ZNF283: variants seen among roughly 807,000 people sequenced by gnomAD.
The protein encoded by ZNF283 is zinc finger protein 283.
ZNF283 carries 10 observed loss-of-function variants against 9.2 expected under a neutral mutation model. That is an observed-to-expected ratio of 1.09 (90% CI 0.67 to 1.85). The LOEUF (loss-of-function observed/expected upper bound fraction) is 1.85. Ranked by LOEUF, ZNF283 falls within the 40% of genes most tolerant of loss-of-function variation. The pLI is 0.00. For synonymous variants in ZNF283, 234 were observed against 244.1 expected, an observed-to-expected ratio of 0.96 and a Z score of 0.38; for missense variants, 631 against 760.1, an observed-to-expected ratio of 0.83 and a Z score of 2.00.
chr19:43,831,444 T>C (rs1051102640), intron 3 of ZNF283, 63 bp downstream of exon 3: 41 of 1,325,018 alleles, frequency 3.1e-5, no homozygotes, highest in Non-Finnish European at 4.2e-5. Flanking sequence ...TCAGTTTTCT[T>C]AATGACTGGA....
intron 6 of ZNF283, among the ~76,000 whole-genome samples, chr19:43,845,077 ATCT>A (rs2146576865): frequency 6.6e-6 from 1 of 152,320 alleles, no homozygotes; most frequent in African/African-American, 2.4e-5. Flanking sequence ...ATGAATATAC[ATCT>A]TCTCCAACTT....
chr19:43,847,013 TGGG>T lies in ZNF283; in HGVS notation c.413_415del (p.Trp138_Glu139delinsTer). On this transcript the variant is annotated stop_gained and inframe_deletion, in exon 7 of 7. Coordinates refer to ENST00000618787, the MANE Select transcript of ZNF283 (RefSeq NM_181845.2). LOFTEE classifies it low-confidence loss of function (END_TRUNC). Reference sequence around the variant, plus strand: ...TATTTTTGAAATAAATTTTTCCCAGTGGGAGATGAAGGACAAAAGTAAAACCCT... The same window carrying T: ...TATTTTTGAAATAAATTTTTCCCAGTAGATGAAGGACAAAAGTAAAACCCT... The T allele has an allele frequency of 1.3e-6, 2 of 1,576,456 alleles. No individual in the cohort carries two copies. The highest frequency in any genetic ancestry group is 1.7e-6 in the Non-Finnish European group (2 of 1,164,176).
chr19:43,847,434 T>G lies in ZNF283; in HGVS notation c.833T>G (p.Leu278Arg). Residue 278 changes from leucine (L) to arginine (R), a missense_variant, in exon 7 of 7, where the codon CTT becomes CGT. Around this residue, in one of 3 missense-constraint regions of ZNF283, gnomAD observed 444 missense variants for 522.5 expected, o/e 0.85. Coordinates refer to ENST00000618787, the MANE Select transcript of ZNF283 (RefSeq NM_181845.2). ...AAGACCTTTAGCTGGGGATCAAGCCTTGTTAAACATGAGAGAATTCACACT... is the reference window on the plus strand; with the variant it reads ...AAGACCTTTAGCTGGGGATCAAGCCGTGTTAAACATGAGAGAATTCACACT... ...CGKTFSWGSS[L>R]VKHERIHTGE... is the part of the protein sequence containing the mutation. The G allele has an allele frequency of 6.2e-7, 1 of 1,614,042 alleles. No homozygotes were observed.
At chr19:43,836,041 T>C (rs781387615) in intron 5 of ZNF283, among the ~76,000 whole-genome samples, 4 of 152,196 alleles carry the variant, frequency 2.6e-5, no homozygotes, top group Non-Finnish European at 4.4e-5. Flanking sequence ...GGGTAGTTGA[T>C]AGTAACAGAT....
intron 6 of ZNF283, among the ~76,000 whole-genome samples, chr19:43,838,570 A>G (rs2146555126): frequency 6.6e-6 from 1 of 152,326 alleles, no homozygotes; most frequent in African/African-American, 2.4e-5. Flanking sequence ...TTGAGGCTGC[A>G]GTGAGCTGAG....
At chr19:43,827,786 G>A (rs1649882849) in intron 1 of ZNF283, 1 of 152,174 alleles carries the variant, frequency 6.6e-6, no homozygotes, top group South Asian at 2.1e-4. Context: ...GTTCCCTTTA[G>A]CCTGTCTTCG....
chr19:43,839,718 T>C (rs1419598640), intron 6 of ZNF283, among the ~76,000 whole-genome samples: 4 of 152,188 alleles, frequency 2.6e-5, no homozygotes, highest in East Asian at 3.8e-4. Context: ...GAATCCACTA[T>C]TGAAATTTTC....
chr19:43,836,987 C>A lies in ZNF283; in HGVS notation c.211-66C>A, dbSNP rs1971007804. ...CCTCTTTGTAGTTCATCCTTTGTAC[C>A]CTCTTTTTTCCTCTTGGAAATGTTT... On this transcript the variant is annotated intron_variant, in intron 5 of 6. Transcript: ENST00000618787. 2.6e-6 allele frequency: 4 copies of A among 1,560,674 alleles called. No homozygotes were observed. The South Asian group carries it at 4.5e-5, about 18-fold the overall frequency.
Position 43,831,343 on chromosome 19 carries a change from C to T in ZNF283, c.-39C>T, listed in dbSNP as rs1424918927. The T allele has an allele frequency of 6.9e-6, 11 of 1,595,712 alleles. No homozygotes were observed. Among genetic ancestry groups the T allele is most frequent in the Non-Finnish European group, 9.3e-6 (11 of 1,178,640 alleles). On this transcript the variant is annotated 5_prime_UTR_variant, in exon 3 of 7. Transcript: ENST00000618787. The stretch of plus-strand genomic sequence containing the variant: ...GAGAATCTTGACAGTGAATGTGTCT[C>T]ATTACATTGAATAACAGCTACAGGA...
intron 6 of ZNF283, among the ~76,000 whole-genome samples, chr19:43,839,234 G>GT (rs57375994): frequency 0.34 from 51,124 of 149,950 alleles, 9,329 homozygotes; most frequent in South Asian, 0.55. Flanking sequence ...TTGGTTGACA[G>GT]TTTTTTTTTT....
Position 43,848,121 on chromosome 19 carries a change from T to G in ZNF283, c.1520T>G (p.Val507Gly), listed in dbSNP as rs2146591337. 6.2e-7 allele frequency: 1 copy of G among 1,611,606 alleles called. No individual in the cohort carries two copies. The highest frequency in any genetic ancestry group is 2.2e-5 in the East Asian group (1 of 44,716). The change falls in exon 7 of 7, where the codon GTA becomes GGA. Residue 507 changes from valine to glycine, a missense_variant. Physicochemically the swap from Val to Gly is moderately radical, Grantham distance 109 (BLOSUM62 -3). Around this residue, in one of 3 missense-constraint regions of ZNF283, gnomAD observed 444 missense variants for 522.5 expected, o/e 0.85. Coordinates refer to ENST00000618787, the MANE Select transcript of ZNF283 (RefSeq NM_181845.2). ...CSGYQLTRHQ[V>G]FHTGEKPYEC... is the part of the protein sequence containing the mutation. ...GGGTATCAACTTACTCGACATCAGG[T>G]ATTTCACACTGGTGAGAAACCCTAT...
chr19:43,829,162 GA>G, intron 2 of ZNF283, among the ~76,000 whole-genome samples: 1 of 152,258 alleles, frequency 6.6e-6, no homozygotes. Context: ...GAGGGAGGTG[GA>G]TCATGAAGTC....
chr19:43,848,093 A>G lies in ZNF283; in HGVS notation c.1492A>G (p.Ser498Gly), dbSNP rs769179370. ...ECKECGKTFC[S>G]GYQLTRHQVF... ...TAAAGAATGCGGAAAGACCTTTTGT[A>G]GTGGGTATCAACTTACTCGACATCA... is the stretch of plus-strand genomic sequence containing the variant. Residue 498 changes from serine (S) to glycine (G), a missense_variant, in exon 7 of 7, where the codon AGT (serine) becomes GGT (glycine). Physicochemically the swap from Ser to Gly is moderately conservative, Grantham distance 56. Transcript: ENST00000618787. The G allele has an allele frequency of 1.2e-6, 2 of 1,609,336 alleles. No individual in the cohort carries two copies. Among genetic ancestry groups the G allele is most frequent in the South Asian group, 2.2e-5 (2 of 90,868 alleles).
intron 2 of ZNF283, 44 bp from the exon 3 acceptor site, chr19:43,831,274 C>T: frequency 7.1e-7 from 1 of 1,411,176 alleles, no homozygotes; most frequent in Non-Finnish European, 9.8e-7. Context: ...TATTTTCTTC[C>T]TCAGACTTTG....
Position 43,847,227 on chromosome 19 carries a change from G to A in ZNF283, c.626G>A (p.Cys209Tyr), listed in dbSNP as rs191058351. 11 of 1,613,920 alleles carry A rather than the reference G, an allele frequency of 6.8e-6. No homozygotes were observed. In the African/African-American group the frequency reaches 1.3e-4, roughly 20 times the overall value. Reference sequence around the variant, plus strand: ...CATAATACAGAGAAATCCTATGTTTGTAAGGAATGTGGGAAGGCTTGCAGT... The same window carrying A: ...CATAATACAGAGAAATCCTATGTTTATAAGGAATGTGGGAAGGCTTGCAGT... The part of the protein sequence containing the change: ...RIHNTEKSYV[C>Y]KECGKACSHG... The change falls in exon 7 of 7, where the codon TGT becomes TAT. Residue 209 changes from cysteine to tyrosine, a missense_variant. This residue lies in a region of ZNF283 where 184 missense variants were observed against 220.0 expected (regional missense o/e 0.84). Transcript: ENST00000618787.
chr19:43,831,649 G>A (rs1970713592), intron 3 of ZNF283, among the ~76,000 whole-genome samples: 1 of 151,824 alleles, frequency 6.6e-6, no homozygotes, highest in African/African-American at 2.4e-5. Context: ...TCTTTTTTGA[G>A]ATAGTTTCTC....
chr19:43,844,185 A>C (rs992457273), intron 6 of ZNF283, among the ~76,000 whole-genome samples: 1 of 152,188 alleles, frequency 6.6e-6, no homozygotes, highest in Non-Finnish European at 1.5e-5. Flanking sequence ...AATATCTTAA[A>C]ATTTCTCTGT....
intron 6 of ZNF283, among the ~76,000 whole-genome samples, chr19:43,841,688 C>T (rs955108721): frequency 2.0e-5 from 3 of 152,134 alleles, no homozygotes; most frequent in African/African-American, 7.2e-5. Flanking sequence ...CTGCCTTGGC[C>T]TCCCAAAGTG....
In ZNF283 at chr19:43,848,785, C is replaced by G. The variant is rs963648032; in HGVS notation, c.*144C>G. 3 of 711,378 alleles carry G rather than the reference C, an allele frequency of 4.2e-6. No homozygotes were observed. Among genetic ancestry groups the G allele is most frequent in the Non-Finnish European group, 6.4e-6 (3 of 465,718 alleles). 44.1% of individuals were successfully genotyped at this position (711,378 alleles called of 1,614,324 possible). ...TATGGGCAATTATCTTGCTATCCAG[C>G]AATTCATACTAGTGAGAAATATTTT... On this transcript the variant is annotated 3_prime_UTR_variant, in exon 7 of 7. Transcript: ENST00000618787.
Sources: gnomAD v4.1 joint callset for allele counts (sites outside exome capture counted in the v4.1 genomes callset) on GRCh38, gnomAD v4.1.1 for gene constraint, gnomAD v4.1.1 regional missense constraint, MANE v1.5 for transcripts, NCBI Gene and HGNC (gene_info 2026-07-23, HGNC 2026-07-21) for gene names.